PXDNL: variants seen among roughly 807,000 people sequenced by gnomAD.
The protein encoded by PXDNL is probable oxidoreductase PXDNL.
A neutral mutation model predicts 150.8 loss-of-function variants in PXDNL; 145 were observed. That is an observed-to-expected ratio of 0.96 (90% confidence interval 0.84 to 1.10). The LOEUF is 1.10. Ranked by LOEUF, PXDNL falls within the 50% of genes least tolerant of loss-of-function variation. The pLI is 0.00. For synonymous variants in PXDNL, 757 were observed against 725.7 expected, an observed-to-expected ratio of 1.04 and a Z score of -0.69; for missense variants, 2,087 against 1,873.9, an observed-to-expected ratio of 1.11 and a Z score of -2.10.
At chr8:51,530,408 A>C (rs773313609) in intron 4 of PXDNL, among the ~76,000 whole-genome samples, 2 of 152,132 alleles carry the variant, frequency 1.3e-5, no homozygotes, top group Non-Finnish European at 2.9e-5. Context: ...CCTGGCCTCT[A>C]GTCTTCCTCC....
At chr8:51,363,202 T>G (rs545962831) in intron 19 of PXDNL, among the ~76,000 whole-genome samples, 1 of 152,272 alleles carries the variant, frequency 6.6e-6, no homozygotes, top group African/African-American at 2.4e-5. Context: ...AATTCAGGAC[T>G]TAGACAAGCA....
rs1164131411 is a variant in PXDNL at position 51,473,274 on chromosome 8, A to AACACACACACACACACACACAC, written c.695-992_695-971dup. On this transcript the variant is annotated intron_variant, in intron 7 of 22. Coordinates refer to ENST00000356297, the MANE Select transcript of PXDNL (RefSeq NM_144651.5). ...AGTTTCATTGAAGCAGTAGAAAATA[A>AACACACACACACACACACACAC]ACACACACACACACACACACACACA... 3.6e-3 allele frequency among the ~76,000 whole-genome samples: 488 copies of AACACACACACACACACACACAC among 133,988 alleles called. 6 individuals carry two copies. Among genetic ancestry groups the AACACACACACACACACACACAC allele is most frequent in the Non-Finnish European group, 5.8e-3 (364 of 63,032 alleles). 87.9% of individuals were successfully genotyped at this position (133,988 alleles called of 152,430 possible). A position where few individuals can be genotyped will look rare whatever the true frequency, so the allele number is the denominator to read the frequency against.
intron 18 of PXDNL, among the ~76,000 whole-genome samples, chr8:51,372,724 C>T (rs1807163791): frequency 6.6e-6 from 1 of 152,202 alleles, no homozygotes; most frequent in Non-Finnish European, 1.5e-5. Flanking sequence ...ACCTTAGAAA[C>T]TGTCTGAGCA....
At chr8:51,389,344 G>A (rs1586061773) in intron 17 of PXDNL, among the ~76,000 whole-genome samples, 1 of 152,168 alleles carries the variant, frequency 6.6e-6, no homozygotes. Context: ...ACACAGGCTG[G>A]GATTCGAATT....
intron 12 of PXDNL, among the ~76,000 whole-genome samples, chr8:51,429,749 C>T (rs1809206428): frequency 7.0e-6 from 1 of 143,476 alleles, no homozygotes; most frequent in African/African-American, 2.6e-5. Flanking sequence ...GGATCTTCGA[C>T]TAAGGAAATA....
intron 1 of PXDNL, among the ~76,000 whole-genome samples, chr8:51,673,730 A>G (rs1815549610): frequency 6.6e-6 from 1 of 152,212 alleles, no homozygotes; most frequent in African/African-American, 2.4e-5. Flanking sequence ...GCAAACCAAG[A>G]TTAGAAACCC....
At chr8:51,324,636 G>T (rs1284801432) in intron 21 of PXDNL, among the ~76,000 whole-genome samples, 1 of 152,098 alleles carries the variant, frequency 6.6e-6, no homozygotes, top group East Asian at 1.9e-4. Context: ...TGCTGTCTCT[G>T]TTGTTGAGAA....
At chr8:51,585,643 G>C (rs1322128482) in intron 3 of PXDNL, among the ~76,000 whole-genome samples, 2 of 152,110 alleles carry the variant, frequency 1.3e-5, no homozygotes, top group Non-Finnish European at 1.5e-5. Context: ...AAGTAAGTAA[G>C]AGCTAACTAC....
intron 12 of PXDNL, among the ~76,000 whole-genome samples, chr8:51,439,796 G>A (rs972143797): frequency 7.6e-6 from 1 of 130,804 alleles, no homozygotes; most frequent in Non-Finnish European, 1.5e-5. Context: ...CTGCACTCCA[G>A]CCTAGGTGAC....
chr8:51,740,799 G>T (rs973063396), intron 1 of PXDNL, among the ~76,000 whole-genome samples: 1 of 151,932 alleles, frequency 6.6e-6, no homozygotes, highest in Non-Finnish European at 1.5e-5. Context: ...CTTGCATCCC[G>T]GTGATGAAGC....
intron 1 of PXDNL, among the ~76,000 whole-genome samples, chr8:51,671,036 G>A (rs1364585296): frequency 2.0e-5 from 3 of 152,146 alleles, no homozygotes; most frequent in Admixed American, 2.0e-4. Context: ...CAAGTATTGG[G>A]TTCAAAGAAT....
intron 1 of PXDNL, among the ~76,000 whole-genome samples, chr8:51,772,042 C>T (rs1033032591): frequency 2.6e-5 from 4 of 152,052 alleles, no homozygotes; most frequent in Middle Eastern, 3.4e-3. Flanking sequence ...ACTGTGGCCC[C>T]CTCTTCCTCC....
At chr8:51,535,735 A>T (rs947826838) in intron 4 of PXDNL, among the ~76,000 whole-genome samples, 1 of 124,078 alleles carries the variant, frequency 8.1e-6, no homozygotes, top group African/African-American at 3.7e-5. Context: ...ATAAATAAAT[A>T]AATAAAAATA....
At chr8:51,666,573 A>C (rs1815391703) in intron 1 of PXDNL, among the ~76,000 whole-genome samples, 1 of 152,136 alleles carries the variant, frequency 6.6e-6, no homozygotes, top group South Asian at 2.1e-4. Context: ...TCTCTAATAA[A>C]TGGGCGTACC....
intron 1 of PXDNL, among the ~76,000 whole-genome samples, chr8:51,690,505 T>C (rs1815971246): frequency 6.6e-6 from 1 of 152,054 alleles, no homozygotes; most frequent in African/African-American, 2.4e-5. Context: ...GAACTCATCA[T>C]TTGTTATGGC....
At position 51,403,706 on chromosome 8, in the gene PXDNL, G is replaced by A. The variant is rs374386758; in HGVS notation, c.3557+4361C>T. 3.1e-4 allele frequency among the ~76,000 whole-genome samples: 47 copies of A among 152,240 alleles called. 2 individuals carry two copies. In the South Asian group the frequency reaches 7.5e-3, roughly 24 times the overall value. ...CCATCTGCTTTAGGATTGGGTTTCC[G>A]CACCGCTATGATCTAAATGTGTCTA... is the stretch of plus-strand genomic sequence containing the variant. On this transcript the variant is annotated intron_variant, in intron 17 of 22. Coordinates refer to ENST00000356297, the MANE Select transcript of PXDNL (RefSeq NM_144651.5).
At chr8:51,612,299 C>T (rs1702103218) in intron 2 of PXDNL, among the ~76,000 whole-genome samples, 2 of 152,200 alleles carry the variant, frequency 1.3e-5, no homozygotes, top group Non-Finnish European at 2.9e-5. Flanking sequence ...AAATGGGCAG[C>T]AGCAGATATA....
intron 17 of PXDNL, among the ~76,000 whole-genome samples, chr8:51,398,482 T>A (rs1808155111): frequency 6.6e-6 from 1 of 152,150 alleles, no homozygotes; most frequent in African/African-American, 2.4e-5. Context: ...AACACCTCAG[T>A]AATACCCAGA....
intron 4 of PXDNL, among the ~76,000 whole-genome samples, chr8:51,543,641 G>A (rs1812274182): frequency 6.6e-6 from 1 of 150,898 alleles, no homozygotes; most frequent in African/African-American, 2.4e-5. Flanking sequence ...GAATCTGGGA[G>A]GTGGAGGTCA....
Sources: allele counts gnomAD v4.1 joint callset (sites outside exome capture counted in the v4.1 genomes callset), GRCh38; gene constraint gnomAD v4.1.1; transcripts MANE v1.5; gene names NCBI Gene and HGNC (gene_info 2026-07-23, HGNC 2026-07-21).